Variants in UQCRC1 observed in about 807,000 individuals in gnomAD.
UQCRC1 encodes ubiquinol-cytochrome c reductase core protein 1.
UQCRC1 carries 34 observed loss-of-function variants against 58.0 expected under a neutral mutation model. The ratio of observed to expected loss-of-function variants is 0.59; its 90% CI spans 0.45 to 0.78. The LOEUF (loss-of-function observed/expected upper bound fraction) is 0.78. Ranked by LOEUF, UQCRC1 falls within the 30% of genes least tolerant of loss-of-function variation. The pLI, the probability that UQCRC1 is intolerant of heterozygous loss-of-function variation, is 0.00. For synonymous variants in UQCRC1, 276 were observed against 248.8 expected, an observed-to-expected ratio of 1.11 and a Z score of -1.03; for missense variants, 610 against 646.0, an observed-to-expected ratio of 0.94 and a Z score of 0.60.
chr3:48,603,391 T>C (rs778643262), intron 6 of UQCRC1, among the ~76,000 whole-genome samples, 173 bp downstream of exon 6: 1 of 152,050 alleles, frequency 6.6e-6, no homozygotes, highest in African/African-American at 2.4e-5. Flanking sequence ...GGCGGCAGGG[T>C]AGAATCCTAT....
intron 3 of UQCRC1, 57 bp from the exon 4 acceptor site, chr3:48,604,837 G>A (rs2046397553): frequency 1.2e-6 from 2 of 1,605,256 alleles, no homozygotes; most frequent in Admixed American, 3.4e-5. Context: ...CAAGAACCCT[G>A]TCCTCAGAGG....
In UQCRC1 at chr3:48,600,117, G is replaced by A. The variant is rs531011243; in HGVS notation, c.1248C>T (p.Ser416=). ...GGATGCGGCGGCCATAGGTCAGGAG[G>A]CTGCGTCCGATGTCCTCACACACAG... ...TTPVCEDIGR[S]LLTYGRRIPL... Residue 416 remains serine (S), a synonymous_variant, in exon 11 of 13, where the codon AGC becomes AGT. Coordinates refer to ENST00000203407, the MANE Select transcript of UQCRC1 (RefSeq NM_003365.3). 2 of 1,614,116 alleles carry A rather than the reference G, an allele frequency of 1.2e-6. No individual in the cohort carries two copies. Among genetic ancestry groups the A allele is most frequent in the South Asian group, 1.1e-5 (1 of 91,086 alleles).
chr3:48,604,211 C>G (rs201196834), intron 5 of UQCRC1, 22 bp downstream of exon 5: 27 of 1,610,662 alleles, frequency 1.7e-5, no homozygotes, highest in East Asian at 4.5e-5. Context: ...AGCATCCCCC[C>G]ACAAGGCCAG....
intron 11 of UQCRC1, 64 bp downstream of exon 11, chr3:48,599,999 C>T: frequency 1.0e-5 from 16 of 1,597,718 alleles, no homozygotes; most frequent in South Asian, 2.2e-5. Context: ...CAGGCCCCAA[C>T]CCTACACCTC....
At position 48,599,720 on chromosome 3, in the gene UQCRC1, GA is replaced by G; in HGVS notation, c.1303-11del. ...CACTGGCATCCACCTCCTGCAGGGT[GA>G]GGCAGAGGGCATACTGGCTAACGGG... is the stretch of plus-strand genomic sequence containing the variant. On this transcript the variant is annotated splice_polypyrimidine_tract_variant and intron_variant, in intron 11 of 12. Coordinates refer to ENST00000203407, the MANE Select transcript of UQCRC1 (RefSeq NM_003365.3). 6.2e-7 allele frequency: 1 copy of G among 1,613,564 alleles called. No individual in the cohort carries two copies. Among genetic ancestry groups the G allele is most frequent in the Non-Finnish European group, 8.5e-7 (1 of 1,179,952 alleles).
chr3:48,605,292 A>G (rs1295827970), intron 3 of UQCRC1, among the ~76,000 whole-genome samples: 1 of 152,212 alleles, frequency 6.6e-6, no homozygotes, highest in Non-Finnish European at 1.5e-5. Context: ...TTCTGCACAC[A>G]TACCTGTGAC....
intron 3 of UQCRC1, 50 bp downstream of exon 3, chr3:48,605,720 G>C: frequency 6.4e-7 from 1 of 1,568,052 alleles, no homozygotes; most frequent in Non-Finnish European, 8.7e-7. Flanking sequence ...TCCTCAGGAG[G>C]GACAACAGGC....
At position 48,600,574 on chromosome 3, in the gene UQCRC1, TG is replaced by T. The variant is rs150360908; in HGVS notation, c.1128-8del. On this transcript the variant is annotated splice_region_variant and splice_polypyrimidine_tract_variant and intron_variant, in intron 9 of 12. Coordinates refer to ENST00000203407, the MANE Select transcript of UQCRC1 (RefSeq NM_003365.3). ...ACTGGTACACAGGCGCATCCTAAAG[TG>T]GGGGGGTGGGTGGTATTCATTCTGA... The T allele has an allele frequency of 1.2e-6, 2 of 1,613,836 alleles. No individual in the cohort carries two copies. The highest frequency in any genetic ancestry group is 1.7e-6 in the Non-Finnish European group (2 of 1,179,964).
rs755175667 is a variant in UQCRC1 at position 48,604,198 on chromosome 3, G to A, written c.626+35C>T. The A allele has an allele frequency of 5.6e-6, 9 of 1,608,352 alleles. No individual in the cohort carries two copies. In the African/African-American group the frequency reaches 1.1e-4, roughly 19 times the overall value. On this transcript the variant is annotated intron_variant, in intron 5 of 12. Transcript: ENST00000203407. ...AAGGGTCTGGCCAGGCCAGAATGGA[G>A]CAAGCATCCCCCCACAAGGCCAGCC... is the stretch of plus-strand genomic sequence containing the variant.
chr3:48,599,973 G>A (rs2107842361), intron 11 of UQCRC1, 90 bp downstream of exon 11: 1 of 1,502,128 alleles, frequency 6.7e-7, no homozygotes, highest in Non-Finnish European at 9.2e-7. Flanking sequence ...GCCTATAGGA[G>A]CAGGCTGCGC....
intron 12 of UQCRC1, 138 bp from the exon 13 acceptor site, chr3:48,599,330 T>G: frequency 9.7e-7 from 1 of 1,030,382 alleles, no homozygotes; most frequent in Non-Finnish European, 1.4e-6. Context: ...GAGAGAACAT[T>G]CCCCCAGGGG....
rs370434309 is a variant in UQCRC1 at position 48,609,317 on chromosome 3, A to G, written c.70-15T>C. ...AGCAGGGCCGGCTGTGGAAGGGAAC[A>G]GCCGCGAGTGAGGACTCGGTCAGGG... On this transcript the variant is annotated splice_polypyrimidine_tract_variant and intron_variant, in intron 1 of 12. Transcript: ENST00000203407. 3.1e-6 allele frequency: 5 copies of G among 1,596,666 alleles called. No individual in the cohort carries two copies. In the African/African-American group the frequency reaches 6.9e-5, roughly 22 times the overall value.
At chr3:48,609,136 T>C in intron 2 of UQCRC1, 26 bp downstream of exon 2, 1 of 1,584,076 alleles carries the variant, frequency 6.3e-7, no homozygotes, top group South Asian at 1.1e-5. Context: ...CTGGAGGCCC[T>C]CTCCCCAAAA....
chr3:48,599,830 A>G, intron 11 of UQCRC1, 120 bp from the exon 12 acceptor site: 1 of 1,186,336 alleles, frequency 8.4e-7, no homozygotes, highest in East Asian at 2.4e-5. Context: ...CCCAGCCCAA[A>G]AGAGGAAAGG....
rs151001695 is a variant in UQCRC1 at position 48,604,358 on chromosome 3, C to G, written c.501G>C (p.Val167=). The change falls in exon 5 of 13, where the codon GTG becomes GTC. Residue 167 remains valine (V), a synonymous_variant. Transcript: ENST00000203407. ...CATTCTCCTGCATCTCCCGCAGGATCACATCACGTTCCTTCTCAATCTGTG... is the reference window on the plus strand; with the variant it reads ...CATTCTCCTGCATCTCCCGCAGGATGACATCACGTTCCTTCTCAATCTGTG... ...EDSQIEKERD[V]ILREMQENDA... The G allele has an allele frequency of 6.8e-6, 11 of 1,614,110 alleles. No homozygotes were observed. Among genetic ancestry groups the G allele is most frequent in the Non-Finnish European group, 9.3e-6 (11 of 1,180,052 alleles).
intron 12 of UQCRC1, 187 bp from the exon 13 acceptor site, chr3:48,599,379 C>G (rs2046340734): frequency 1.3e-6 from 1 of 747,316 alleles, no homozygotes; most frequent in Non-Finnish European, 2.1e-6. Context: ...CCTTGAAGCC[C>G]CACCCCACAT....
intron 9 of UQCRC1, 42 bp from the exon 10 acceptor site, chr3:48,600,609 G>T: frequency 6.2e-7 from 1 of 1,614,128 alleles, no homozygotes; most frequent in Non-Finnish European, 8.5e-7. Context: ...GAGCCAGTGT[G>T]TCATCTCTCA....
At position 48,609,261 on chromosome 3, in the gene UQCRC1, G is replaced by C. The variant is rs200612064; in HGVS notation, c.111C>G (p.Thr37=). The change falls in exon 2 of 13, where the codon ACC becomes ACG. Residue 37 remains threonine, a synonymous_variant. Transcript: ENST00000203407. Reference sequence around the variant, plus strand: ...GCACGAACTGGAGCGCCTGAGCGAAGGTTGCCGTACTCCGCAAGGCTGGCG... The same window carrying C: ...GCACGAACTGGAGCGCCTGAGCGAACGTTGCCGTACTCCGCAAGGCTGGCG... The part of the protein sequence containing the change: ...LRTPALRSTA[T]FAQALQFVPE... 1 of 1,612,700 alleles carries C rather than the reference G, an allele frequency of 6.2e-7. No homozygotes were observed. Among genetic ancestry groups the C allele is most frequent in the South Asian group, 1.1e-5 (1 of 91,056 alleles).
intron 3 of UQCRC1, among the ~76,000 whole-genome samples, chr3:48,605,091 TC>T (rs989673938): frequency 6.6e-6 from 1 of 151,888 alleles, no homozygotes; most frequent in Non-Finnish European, 1.5e-5. Context: ...CCAGTACACC[TC>T]CCCCCTCCTT....
Sources: allele counts gnomAD v4.1 joint callset (sites outside exome capture counted in the v4.1 genomes callset), GRCh38; gene constraint gnomAD v4.1.1; transcripts MANE v1.5; gene names NCBI Gene and HGNC (gene_info 2026-07-23, HGNC 2026-07-21).